The following GPR160 variants were observed in gnomAD, a reference collection of about 807,000 sequenced individuals.
GPR160 encodes the protein probable G protein-coupled receptor 160.
In GPR160, 2 loss-of-function variants were observed where a neutral mutation model predicts 2.6. That is an observed-to-expected ratio of 0.77 (90% CI 0.32 to 2.44). The LOEUF (loss-of-function observed/expected upper bound fraction) is 2.44, where lower values mean the gene tolerates loss of function less well. GPR160 is among the 30% of genes most tolerant of loss of function. GPR160 has a pLI of 0.11. For missense variants in GPR160, 351 were observed against 383.6 expected, an observed-to-expected ratio of 0.91 and a Z score of 0.71; for synonymous variants, 130 against 132.2, an observed-to-expected ratio of 0.98 and a Z score of 0.12.
chr3:170,074,971 A>G (rs918551857), intron 2 of GPR160, among the ~76,000 whole-genome samples: 5 of 152,146 alleles, frequency 3.3e-5, no homozygotes, highest in African/African-American at 1.2e-4. Flanking sequence ...CACACCTGTA[A>G]TCCCAGCACT....
intron 2 of GPR160, among the ~76,000 whole-genome samples, chr3:170,047,835 C>CT (rs1225615379): frequency 0.026 from 3,291 of 125,044 alleles, 162 homozygotes; most frequent in African/African-American, 0.06. Flanking sequence ...GGACATTATT[C>CT]TTTTTTTTTT....
intron 3 of GPR160, 35 bp from the exon 4 acceptor site, chr3:170,083,870 G>A (rs6444895): frequency 0.44 from 247,932 of 566,908 alleles, 55,761 homozygotes; most frequent in East Asian, 0.64. Context: ...TTCAAAATAG[G>A]TAACATTAAG....
intron 2 of GPR160, among the ~76,000 whole-genome samples, chr3:170,061,799 G>A (rs567907072): frequency 1.1e-3 from 165 of 152,010 alleles, no homozygotes; most frequent in African/African-American, 3.6e-3. Flanking sequence ...CCATTAAATA[G>A]TCCTCAAAGA....
chr3:170,047,725 A>G (rs1716783839), intron 2 of GPR160, among the ~76,000 whole-genome samples: 1 of 139,868 alleles, frequency 7.1e-6, no homozygotes, highest in African/African-American at 3.3e-5. Context: ...ACATACATAT[A>G]TACACATCAC....
chr3:170,041,251 G>C (rs950470747), intron 2 of GPR160, among the ~76,000 whole-genome samples: 1 of 151,994 alleles, frequency 6.6e-6, no homozygotes, highest in Non-Finnish European at 1.5e-5. Context: ...GAATCTCCCC[G>C]GCGTAGACCT....
At chr3:170,046,201 T>C (rs1358203798) in intron 2 of GPR160, among the ~76,000 whole-genome samples, 5 of 152,158 alleles carry the variant, frequency 3.3e-5, no homozygotes, top group Non-Finnish European at 7.3e-5. Flanking sequence ...CACATGGCCT[T>C]AGGGAAATGT....
chr3:170,082,940 T>C (rs1360123922), intron 3 of GPR160, among the ~76,000 whole-genome samples: 1 of 151,824 alleles, frequency 6.6e-6, no homozygotes, highest in African/African-American at 2.4e-5. Context: ...ACATTTGTGA[T>C]TGACTGGGTT....
chr3:170,069,621 C>T (rs1027951952), intron 2 of GPR160, among the ~76,000 whole-genome samples: 2 of 152,052 alleles, frequency 1.3e-5, no homozygotes, highest in Non-Finnish European at 2.9e-5. Flanking sequence ...TTCAAACATA[C>T]ATACAAATAG....
chr3:170,074,816 GC>G (rs1712774725), intron 2 of GPR160, among the ~76,000 whole-genome samples: 1 of 151,628 alleles, frequency 6.6e-6, no homozygotes, highest in Non-Finnish European at 1.5e-5. Context: ...ATTGATTTCT[GC>G]TTTTTTTTTA....
At chr3:170,073,673 G>A (rs935995510) in intron 2 of GPR160, among the ~76,000 whole-genome samples, 2 of 152,006 alleles carry the variant, frequency 1.3e-5, no homozygotes, top group Non-Finnish European at 2.9e-5. Context: ...CTGCTTCCAT[G>A]TTCATGAGGG....
At position 170,084,399 on chromosome 3, in the gene GPR160, G is replaced by GTAAT. The variant is rs1559995508; in HGVS notation, c.429_432dup (p.Leu145AsnfsTer76). 1 of 1,605,076 alleles carries GTAAT rather than the reference G, an allele frequency of 6.2e-7. No individual in the cohort carries two copies. The highest frequency in any genetic ancestry group is 1.7e-5 in the Admixed American group (1 of 59,880). ...TCAAAAATTATTTTATTTCTTTACA[G>GTAAT]TAATTTTAATTTGGATTTCAGTCCT... is the stretch of plus-strand genomic sequence containing the variant. On this transcript the variant is annotated frameshift_variant, in exon 4 of 4. Coordinates refer to ENST00000355897, the MANE Select transcript of GPR160 (RefSeq NM_014373.3). LOFTEE classifies it low-confidence loss of function (END_TRUNC).
chr3:170,065,119 T>C (rs1035996293), intron 2 of GPR160, among the ~76,000 whole-genome samples: 5 of 152,246 alleles, frequency 3.3e-5, no homozygotes, highest in African/African-American at 4.8e-5. Context: ...ACTTGAAAAT[T>C]ATTTGTCATC....
intron 2 of GPR160, among the ~76,000 whole-genome samples, chr3:170,042,924 C>T (rs1261980870): frequency 4.0e-5 from 6 of 148,990 alleles, no homozygotes; most frequent in African/African-American, 1.5e-4. Context: ...CTCTGCCACC[C>T]AGGCTGGAGT....
chr3:170,047,011 G>A (rs1025250938), intron 2 of GPR160, among the ~76,000 whole-genome samples: 2 of 152,210 alleles, frequency 1.3e-5, no homozygotes, highest in African/African-American at 4.8e-5. Flanking sequence ...GCTGAATGGA[G>A]GGCCAGTGAT....
chr3:170,071,140 G>A (rs780223692), intron 2 of GPR160, among the ~76,000 whole-genome samples: 2 of 151,972 alleles, frequency 1.3e-5, no homozygotes, highest in Non-Finnish European at 2.9e-5. Context: ...CTTTTTGTTC[G>A]GCATGTGATA....
chr3:170,042,225 A>G (rs374297144), intron 2 of GPR160, among the ~76,000 whole-genome samples: 4 of 152,112 alleles, frequency 2.6e-5, no homozygotes, highest in Non-Finnish European at 5.9e-5. Context: ...CCTGGGCAAC[A>G]TAGTGAGACC....
At chr3:170,068,305 C>T (rs144968216) in intron 2 of GPR160, among the ~76,000 whole-genome samples, 3 of 152,096 alleles carry the variant, frequency 2.0e-5, no homozygotes, top group African/African-American at 7.2e-5. Flanking sequence ...CCACCATGCC[C>T]CACTAATTAT....
intron 2 of GPR160, among the ~76,000 whole-genome samples, chr3:170,064,514 C>CTTTTTTTTTTTTTTTTTTTTTT (rs1175382810): frequency 1.2e-5 from 1 of 81,052 alleles, no homozygotes; most frequent in Non-Finnish European, 2.5e-5. Context: ...CTTTTCTTTT[C>CTTTTTTTTTTTTTTTTTTTTTT]TTTTTTTTTT....
intron 2 of GPR160, chr3:170,063,032 C>T (rs1712062281): frequency 5.5e-6 from 1 of 182,580 alleles, no homozygotes; most frequent in Non-Finnish European, 1.1e-5. Context: ...TCCTGGGAGG[C>T]AGAGGGAGAC....
Sources: allele counts gnomAD v4.1 joint callset (sites outside exome capture counted in the v4.1 genomes callset), GRCh38; gene constraint gnomAD v4.1.1; transcripts MANE v1.5; gene names NCBI Gene and HGNC (gene_info 2026-07-23, HGNC 2026-07-21).